CTNNA2: variants seen among roughly 807,000 people sequenced by gnomAD.
CTNNA2 encodes the protein catenin alpha-2.
Under a neutral mutation model 101.0 loss-of-function variants are expected in CTNNA2, and 42 were observed. The observed-to-expected ratio is 0.42, with a 90% CI of 0.32 to 0.54. The LOEUF is 0.54. Ranked by LOEUF, CTNNA2 falls within the 20% of genes least tolerant of loss-of-function variation. The pLI is 0.14. For synonymous variants in CTNNA2, 450 were observed against 456.4 expected (o/e 0.99, Z 0.18); for missense variants, 871 against 1,223.1 (o/e 0.71, Z 4.29).
chr2:79,906,747 G>A (rs1685454928), intron 6 of CTNNA2, among the ~76,000 whole-genome samples: 1 of 152,124 alleles, frequency 6.6e-6, no homozygotes, highest in South Asian at 2.1e-4. Context: ...GGTTCTCATA[G>A]ATAATTCATG....
chr2:80,577,634 G>A (rs1265934864), intron 13 of CTNNA2, among the ~76,000 whole-genome samples: 2 of 143,700 alleles, frequency 1.4e-5, no homozygotes, highest in South Asian at 2.5e-4. Flanking sequence ...AATAATCCAG[G>A]CCAGGCCAGA....
chr2:80,313,671 G>T (rs553099360), intron 7 of CTNNA2: 3 of 1,579,386 alleles, frequency 1.9e-6, no homozygotes, highest in South Asian at 2.3e-5. Flanking sequence ...AGGAGAAGGG[G>T]GTAAGAAAGG....
chr2:79,959,755 G>A (rs970221254), intron 7 of CTNNA2, among the ~76,000 whole-genome samples: 1 of 152,174 alleles, frequency 6.6e-6, no homozygotes, highest in African/African-American at 2.4e-5. Flanking sequence ...CTTTTCATTG[G>A]ATCATATTTT....
intron 9 of CTNNA2, among the ~76,000 whole-genome samples, chr2:80,529,271 A>G (rs1690313012): frequency 6.6e-6 from 1 of 152,210 alleles, no homozygotes; most frequent in African/African-American, 2.4e-5. Context: ...TTATAAGTGT[A>G]AAACCATTCT....
chr2:80,314,142 A>G (rs1423784932), intron 7 of CTNNA2, among the ~76,000 whole-genome samples: 2 of 152,192 alleles, frequency 1.3e-5, no homozygotes, highest in African/African-American at 4.8e-5. Context: ...CAGTAGATGC[A>G]AATTCCAGAA....
At chr2:79,696,663 C>T (rs189032001) in intron 2 of CTNNA2, among the ~76,000 whole-genome samples, 2 of 151,972 alleles carry the variant, frequency 1.3e-5, no homozygotes, top group East Asian at 3.9e-4. Context: ...CTCCCTGGGC[C>T]TAGAGGGAGG....
chr2:79,514,851 A>G (rs924188428), intron 1 of CTNNA2, among the ~76,000 whole-genome samples: 2 of 152,252 alleles, frequency 1.3e-5, no homozygotes, highest in Non-Finnish European at 2.9e-5. Context: ...GATTCTTTGA[A>G]GTTGCCAGTA....
At chr2:80,228,688 C>A (rs1206991382) in intron 7 of CTNNA2, among the ~76,000 whole-genome samples, 8 of 152,258 alleles carry the variant, frequency 5.3e-5, no homozygotes, top group Non-Finnish European at 1.0e-4. Flanking sequence ...AGGTCACTGT[C>A]TGAATCTGAA....
chr2:80,139,541 T>G (rs1409411429), intron 7 of CTNNA2, among the ~76,000 whole-genome samples: 1 of 152,178 alleles, frequency 6.6e-6, no homozygotes. Context: ...CCCCCTCTTA[T>G]GTATGTGTTT....
chr2:79,308,718 A>G (rs1347853361), intron 2 of CTNNA2, among the ~76,000 whole-genome samples: 1 of 150,170 alleles, frequency 6.7e-6, no homozygotes, highest in East Asian at 1.9e-4. Context: ...ATTCTCCTGC[A>G]TATGGATAAC....
intron 7 of CTNNA2, among the ~76,000 whole-genome samples, chr2:80,045,392 T>C (rs1696448684): frequency 6.6e-6 from 1 of 152,220 alleles, no homozygotes; most frequent in Admixed American, 6.5e-5. Flanking sequence ...TTTATCACTA[T>C]TTTGTTGGTT....
chr2:80,182,555 A>G (rs952362395), intron 7 of CTNNA2, among the ~76,000 whole-genome samples: 1 of 152,204 alleles, frequency 6.6e-6, no homozygotes, highest in Non-Finnish European at 1.5e-5. Context: ...GGGGAAGGAC[A>G]AAAACAAAAC....
chr2:80,414,223 G>C (rs1559089508), intron 8 of CTNNA2, among the ~76,000 whole-genome samples: 1 of 152,168 alleles, frequency 6.6e-6, no homozygotes, highest in Non-Finnish European at 1.5e-5. Flanking sequence ...AGTAGTATTT[G>C]AGCCCAGCAT....
intron 7 of CTNNA2, among the ~76,000 whole-genome samples, chr2:80,352,522 T>C (rs552968879): frequency 2.0e-5 from 3 of 152,312 alleles, no homozygotes; most frequent in Admixed American, 1.3e-4. Context: ...ATGCCAATTG[T>C]ACTTTTAGGT....
At chr2:79,980,402 C>T (rs1331129494) in intron 7 of CTNNA2, among the ~76,000 whole-genome samples, 3 of 152,048 alleles carry the variant, frequency 2.0e-5, no homozygotes, top group South Asian at 2.1e-4. Context: ...TTGATTAGTA[C>T]TGGTAATATC....
chr2:80,646,535 T>C (rs1212315725), intron 18 of CTNNA2, among the ~76,000 whole-genome samples: 3 of 151,798 alleles, frequency 2.0e-5, no homozygotes, highest in Non-Finnish European at 4.4e-5. Context: ...GATATAGAAA[T>C]AGTGTATAGA....
At chr2:79,823,173 G>T (rs976210264) in intron 3 of CTNNA2, among the ~76,000 whole-genome samples, 2 of 152,116 alleles carry the variant, frequency 1.3e-5, no homozygotes, top group African/African-American at 4.8e-5. Flanking sequence ...TGGCTTCTCT[G>T]CCTGTCTTCC....
chr2:79,636,139 G>A (rs1280288961), intron 1 of CTNNA2, among the ~76,000 whole-genome samples: 13 of 150,380 alleles, frequency 8.6e-5, no homozygotes, highest in Admixed American at 2.6e-4. Flanking sequence ...GCGTGGTGGC[G>A]GGCACCTGTA....
chr2:79,201,722 TAGG>T (rs1674038008), intron 2 of CTNNA2, among the ~76,000 whole-genome samples: 1 of 152,072 alleles, frequency 6.6e-6, no homozygotes. Flanking sequence ...CAAGCCCTAA[TAGG>T]AGATTTCTCA....
Sources: gnomAD v4.1 joint callset for allele counts (sites outside exome capture counted in the v4.1 genomes callset) on GRCh38, gnomAD v4.1.1 for gene constraint, MANE v1.5 for transcripts, NCBI Gene and HGNC (gene_info 2026-07-23, HGNC 2026-07-21) for gene names.